The following CSMD1 variants were observed in gnomAD, a reference collection of about 807,000 sequenced individuals.
CSMD1 encodes the protein CUB and sushi domain-containing protein 1.
In CSMD1, 213 loss-of-function variants were observed where a neutral mutation model predicts 417.5. The observed-to-expected ratio is 0.51, with a 90% CI of 0.46 to 0.57. CSMD1 has a LOEUF of 0.57. Among genes scored for constraint, CSMD1 ranks in the 20% least tolerant of loss-of-function variants. The pLI, the probability that CSMD1 is intolerant of heterozygous loss-of-function variation, is 0.00. For missense variants in CSMD1, 6,923 were observed against 4,529.7 expected, an observed-to-expected ratio of 1.53 and a Z score of -15.17; for synonymous variants, 2,862 against 1,736.8, an observed-to-expected ratio of 1.65 and a Z score of -16.11.
chr8:4,566,168 A>G (rs1208017105), intron 2 of CSMD1, among the ~76,000 whole-genome samples: 2 of 152,172 alleles, frequency 1.3e-5, no homozygotes, highest in East Asian at 3.9e-4. Context: ...TCAGCACTGA[A>G]TGATGAGATT....
chr8:4,721,151 C>A (rs992709094), intron 1 of CSMD1, among the ~76,000 whole-genome samples: 1 of 152,118 alleles, frequency 6.6e-6, no homozygotes, highest in East Asian at 1.9e-4. Context: ...GTTCTTCCAG[C>A]AAAAGACTAA....
At chr8:4,079,590 T>C (rs1800015227) in intron 3 of CSMD1, among the ~76,000 whole-genome samples, 1 of 152,214 alleles carries the variant, frequency 6.6e-6, no homozygotes, top group Admixed American at 6.5e-5. Context: ...AACACTTTAT[T>C]AGGGAAAGCA....
At chr8:4,948,828 A>G (rs931460184) in intron 1 of CSMD1, among the ~76,000 whole-genome samples, 2 of 152,112 alleles carry the variant, frequency 1.3e-5, no homozygotes, top group Admixed American at 1.3e-4. Context: ...GAGCTGCAGC[A>G]TAAGGATTTT....
At chr8:3,609,989 A>T (rs189322204) in intron 8 of CSMD1, among the ~76,000 whole-genome samples, 2 of 151,832 alleles carry the variant, frequency 1.3e-5, no homozygotes, top group East Asian at 1.9e-4. Flanking sequence ...TTTAGTAGAG[A>T]CAGGATTTCA....
At chr8:4,201,675 A>C (rs1022589492) in intron 3 of CSMD1, among the ~76,000 whole-genome samples, 1 of 151,878 alleles carries the variant, frequency 6.6e-6, no homozygotes, top group African/African-American at 2.4e-5. Context: ...TCTATAATTT[A>C]CTCAAGTGTT....
intron 1 of CSMD1, among the ~76,000 whole-genome samples, chr8:4,982,030 C>T (rs1167963965): frequency 1.3e-5 from 2 of 152,146 alleles, no homozygotes; most frequent in African/African-American, 4.8e-5. Flanking sequence ...ATTCCTACAA[C>T]TGCAAGGAAC....
At chr8:4,589,703 T>C (rs1799890270) in intron 2 of CSMD1, among the ~76,000 whole-genome samples, 1 of 152,190 alleles carries the variant, frequency 6.6e-6, no homozygotes, top group Admixed American at 6.5e-5. Flanking sequence ...AATGGTACAA[T>C]TAGAAACACA....
chr8:4,067,645 T>C (rs752306724), intron 3 of CSMD1, among the ~76,000 whole-genome samples: 3 of 152,200 alleles, frequency 2.0e-5, no homozygotes, highest in African/African-American at 4.8e-5. Context: ...CTGATTTCAT[T>C]CAAAAAGAAT....
chr8:4,971,084 T>G (rs929384454), intron 1 of CSMD1, among the ~76,000 whole-genome samples: 1 of 152,064 alleles, frequency 6.6e-6, no homozygotes, highest in Non-Finnish European at 1.5e-5. Context: ...TGACTTTTTT[T>G]GGATCTCATT....
chr8:2,985,081 C>A (rs1805765596), intron 54 of CSMD1, among the ~76,000 whole-genome samples: 1 of 152,114 alleles, frequency 6.6e-6, no homozygotes, highest in African/African-American at 2.4e-5. Flanking sequence ...CCATCATTGG[C>A]CTCAAAGCGA....
intron 3 of CSMD1, among the ~76,000 whole-genome samples, chr8:4,409,181 T>C (rs1005945075): frequency 2.0e-5 from 3 of 152,178 alleles, no homozygotes; most frequent in East Asian, 1.9e-4. Flanking sequence ...TGGGAGATTT[T>C]TAAAAAATTA....
At chr8:4,293,529 A>G (rs1797491899) in intron 3 of CSMD1, among the ~76,000 whole-genome samples, 1 of 152,230 alleles carries the variant, frequency 6.6e-6, no homozygotes, top group African/African-American at 2.4e-5. Flanking sequence ...AACACTAACC[A>G]TGAAATAGAC....
At chr8:3,512,611 T>TG (rs1007184692) in intron 10 of CSMD1, among the ~76,000 whole-genome samples, 3 of 150,854 alleles carry the variant, frequency 2.0e-5, no homozygotes, top group Middle Eastern at 3.5e-3. Context: ...TTTTTTTTTT[T>TG]TTTTTTTTAA....
intron 1 of CSMD1, among the ~76,000 whole-genome samples, chr8:4,820,877 T>C (rs184319928): frequency 2.0e-5 from 3 of 152,338 alleles, no homozygotes; most frequent in East Asian, 3.9e-4. Context: ...TACTTTTATA[T>C]GGAGGTGATT....
At chr8:4,403,058 C>G (rs972990669) in intron 3 of CSMD1, among the ~76,000 whole-genome samples, 1 of 151,782 alleles carries the variant, frequency 6.6e-6, no homozygotes, top group Non-Finnish European at 1.5e-5. Flanking sequence ...GTCTCAATCT[C>G]CTGACCTCGT....
At chr8:4,614,895 T>C (rs1563336158) in intron 2 of CSMD1, among the ~76,000 whole-genome samples, 1 of 152,050 alleles carries the variant, frequency 6.6e-6, no homozygotes, top group Admixed American at 6.6e-5. Context: ...TTCTCTAGAG[T>C]AAAAAATTGT....
At chr8:4,394,491 C>A (rs1804069868) in intron 3 of CSMD1, among the ~76,000 whole-genome samples, 1 of 152,152 alleles carries the variant, frequency 6.6e-6, no homozygotes, top group Non-Finnish European at 1.5e-5. Context: ...TTCTGAAATA[C>A]CTCTGGGTGT....
intron 23 of CSMD1, among the ~76,000 whole-genome samples, chr8:3,326,599 C>A (rs539390208): frequency 6.6e-6 from 1 of 152,190 alleles, no homozygotes; most frequent in Non-Finnish European, 1.5e-5. Flanking sequence ...AACTTTCTAA[C>A]GTAAACCAGG....
At chr8:3,746,383 T>C (rs994336368) in intron 6 of CSMD1, among the ~76,000 whole-genome samples, 5 of 152,234 alleles carry the variant, frequency 3.3e-5, no homozygotes, top group South Asian at 4.1e-4. Context: ...CTGGATACCA[T>C]TGTTGGCCCC....
Sources: gnomAD v4.1 joint callset for allele counts (sites outside exome capture counted in the v4.1 genomes callset) on GRCh38, gnomAD v4.1.1 for gene constraint, MANE v1.5 for transcripts, NCBI Gene and HGNC (gene_info 2026-07-23, HGNC 2026-07-21) for gene names.